MYO1B: variants seen among roughly 807,000 people sequenced by gnomAD.
MYO1B encodes myosin IB, also known as unconventional myosin-Ib.
Under a neutral mutation model 159.7 loss-of-function variants are expected in MYO1B, and 72 were observed. That is an observed-to-expected ratio of 0.45 (90% CI 0.37 to 0.55). MYO1B has a LOEUF of 0.55. Among genes scored for constraint, MYO1B ranks in the 20% least tolerant of loss-of-function variants. The pLI is 0.00. For missense variants in MYO1B, 1,062 were observed against 1,364.8 expected (o/e 0.78, Z 3.50); for synonymous variants, 468 against 473.8 (o/e 0.99, Z 0.16).
chr2:191,299,667 T>G (rs1689192634), intron 3 of MYO1B, among the ~76,000 whole-genome samples: 1 of 152,214 alleles, frequency 6.6e-6, no homozygotes, highest in Non-Finnish European at 1.5e-5. Flanking sequence ...TGATGAGGGT[T>G]CAGTAAAAAC....
At chr2:191,264,784 C>T (rs960512086) in intron 1 of MYO1B, among the ~76,000 whole-genome samples, 1 of 151,074 alleles carries the variant, frequency 6.6e-6, no homozygotes, top group African/African-American at 2.4e-5. Context: ...TCTCTATAAC[C>T]AGATCTAGGA....
At chr2:191,299,380 T>A (rs1331859484) in intron 3 of MYO1B, among the ~76,000 whole-genome samples, 2 of 152,208 alleles carry the variant, frequency 1.3e-5, no homozygotes, top group African/African-American at 4.8e-5. Context: ...GCCAGATCCC[T>A]CTCATTCCCT....
chr2:191,392,245 G>C, intron 19 of MYO1B, 44 bp downstream of exon 19: 1 of 1,407,258 alleles, frequency 7.1e-7, no homozygotes, highest in Non-Finnish European at 9.9e-7. Context: ...AGTTGGAATC[G>C]TATAGGAAAG....
intron 30 of MYO1B, among the ~76,000 whole-genome samples, chr2:191,416,763 G>A (rs1034935090): frequency 1.3e-5 from 2 of 151,934 alleles, no homozygotes; most frequent in African/African-American, 4.8e-5. Context: ...GCAATGAGCC[G>A]AGATCGTGCC....
intron 1 of MYO1B, among the ~76,000 whole-genome samples, chr2:191,271,493 G>A (rs1324152802): frequency 2.0e-5 from 3 of 147,818 alleles, no homozygotes; most frequent in Non-Finnish European, 4.4e-5. Context: ...GGGCAACATA[G>A]CAAGATCTTC....
intron 3 of MYO1B, among the ~76,000 whole-genome samples, chr2:191,315,157 GTCCA>G (rs5837229): frequency 0.54 from 80,991 of 149,920 alleles, 22,067 homozygotes; most frequent in East Asian, 0.66. Flanking sequence ...CCGTCCGTCC[GTCCA>G]TCCATCCATC....
At chr2:191,247,022 G>T (rs1685836725) in intron 1 of MYO1B, among the ~76,000 whole-genome samples, 1 of 152,184 alleles carries the variant, frequency 6.6e-6, no homozygotes, top group African/African-American at 2.4e-5. Context: ...CAAAGGATTG[G>T]CTGACCTAGG....
At chr2:191,344,528 C>T (rs1692431536) in intron 5 of MYO1B, among the ~76,000 whole-genome samples, 3 of 152,152 alleles carry the variant, frequency 2.0e-5, no homozygotes, top group Admixed American at 1.3e-4. Context: ...GGGCAACTAT[C>T]TTTTTAAGAA....
intron 30 of MYO1B, among the ~76,000 whole-genome samples, chr2:191,422,425 A>G (rs375467453): frequency 4.6e-5 from 7 of 152,124 alleles, no homozygotes; most frequent in East Asian, 1.9e-4. Context: ...TGGATGCTCA[A>G]TTGTACACCT....
intron 1 of MYO1B, among the ~76,000 whole-genome samples, chr2:191,276,236 T>A (rs2125739418): frequency 6.6e-6 from 1 of 152,344 alleles, no homozygotes; most frequent in East Asian, 1.9e-4. Flanking sequence ...CAGTATTGAT[T>A]GTCTGGAATG....
rs142524963 is a variant in MYO1B at position 191,271,273 on chromosome 2, G to A, written c.-9-5614G>A. ...TTGCTAATGCTGTTATACTGCTAAT[G>A]ATGTTATAATATATGTGTTTTAAAT... On this transcript the variant is annotated intron_variant, in intron 1 of 30. Transcript: ENST00000392318. Among the ~76,000 whole-genome samples, 17 of 152,332 alleles carry A rather than the reference G, an allele frequency of 1.1e-4. No homozygotes were observed. In the East Asian group the frequency reaches 3.1e-3, roughly 28 times the overall value.
chr2:191,354,982 C>T lies in MYO1B; in HGVS notation c.562+4757C>T, dbSNP rs149498100. Reference sequence around the variant, plus strand: ...GACAGCCTTGATTAATCCCCTCTCTCATTGATTCAAAGCTTGACTGGGAGA... The same window carrying T: ...GACAGCCTTGATTAATCCCCTCTCTTATTGATTCAAAGCTTGACTGGGAGA... On this transcript the variant is annotated intron_variant, in intron 7 of 30. Coordinates refer to ENST00000392318, the MANE Select transcript of MYO1B (RefSeq NM_001130158.3). Among the ~76,000 whole-genome samples the T allele has an allele frequency of 2.0e-4, 31 of 152,328 alleles. No homozygotes were observed. In the East Asian group the frequency reaches 5.8e-3, roughly 28 times the overall value.
At chr2:191,300,933 C>T (rs922984955) in intron 3 of MYO1B, among the ~76,000 whole-genome samples, 21 of 152,042 alleles carry the variant, frequency 1.4e-4, no homozygotes, top group African/African-American at 4.3e-4. Flanking sequence ...ACTTTCAGAT[C>T]GTGGAAATGT....
chr2:191,423,746 G>T, intron 30 of MYO1B, 91 bp from the exon 31 acceptor site: 1 of 1,419,152 alleles, frequency 7.0e-7, no homozygotes, highest in Non-Finnish European at 9.5e-7. Flanking sequence ...TACTCGTCAA[G>T]ATCAGTATCC....
At chr2:191,414,455 T>C in intron 28 of MYO1B, 62 bp from the exon 29 acceptor site, 1 of 1,477,386 alleles carries the variant, frequency 6.8e-7, no homozygotes, top group Non-Finnish European at 9.1e-7. Flanking sequence ...TGCCTTAAAC[T>C]CATGGACCAT....
Position 191,364,148 on chromosome 2 carries a change from C to T in MYO1B, c.914-10C>T. The T allele has an allele frequency of 6.2e-7, 1 of 1,609,518 alleles. No individual in the cohort carries two copies. The highest frequency in any genetic ancestry group is 8.5e-7 in the Non-Finnish European group (1 of 1,175,982). ...GTCACTTTTTGTGTCCATCCCCTGCCTTCCCACAGAGTTAAAAGAAATTTG... is the reference window on the plus strand; with the variant it reads ...GTCACTTTTTGTGTCCATCCCCTGCTTTCCCACAGAGTTAAAAGAAATTTG... On this transcript the variant is annotated splice_polypyrimidine_tract_variant and intron_variant, in intron 10 of 30. Transcript: ENST00000392318.
chr2:191,248,416 A>G (rs909842765), intron 1 of MYO1B, among the ~76,000 whole-genome samples: 7 of 152,214 alleles, frequency 4.6e-5, no homozygotes, highest in Non-Finnish European at 8.8e-5. Flanking sequence ...CACTTAATCT[A>G]CCGAACCTTA....
intron 21 of MYO1B, among the ~76,000 whole-genome samples, chr2:191,399,746 A>G (rs1696489507): frequency 9.9e-6 from 1 of 101,434 alleles, no homozygotes; most frequent in Admixed American, 1.1e-4. Context: ...ATGGCAAAAC[A>G]CAAATCTGAA....
intron 3 of MYO1B, among the ~76,000 whole-genome samples, chr2:191,314,115 G>T (rs1442753865): frequency 6.6e-6 from 1 of 152,154 alleles, no homozygotes; most frequent in Non-Finnish European, 1.5e-5. Flanking sequence ...AATTTAGAAT[G>T]AAAGACCTCT....
Sources: gnomAD v4.1 joint callset for allele counts (sites outside exome capture counted in the v4.1 genomes callset) on GRCh38, gnomAD v4.1.1 for gene constraint, MANE v1.5 for transcripts, NCBI Gene and HGNC (gene_info 2026-07-23, HGNC 2026-07-21) for gene names.